TRIM50: variants seen among roughly 807,000 people sequenced by gnomAD.
TRIM50 encodes the protein tripartite motif containing 50.
A neutral mutation model predicts 44.9 loss-of-function variants in TRIM50; 34 were observed. That is an observed-to-expected ratio of 0.76 (90% CI 0.58 to 1.01). TRIM50 has a LOEUF of 1.01. Ranked by LOEUF, TRIM50 falls within the 50% of genes least tolerant of loss-of-function variation. The probability of loss-of-function intolerance (pLI) is 0.00; values close to 1 mark genes in which losing one functional copy is unlikely to be tolerated. For missense variants in TRIM50, 633 were observed against 663.7 expected (o/e 0.95, Z 0.51); for synonymous variants, 307 against 291.1 (o/e 1.05, Z -0.56).
At chr7:73,327,128 T>C (rs1351150827) in intron 1 of TRIM50, among the ~76,000 whole-genome samples, 3 of 151,494 alleles carry the variant, frequency 2.0e-5, no homozygotes, top group Non-Finnish European at 4.4e-5. Context: ...CATAATATAC[T>C]GCTGTGGTTT....
intron 6 of TRIM50, among the ~76,000 whole-genome samples, chr7:73,315,600 CCA>C (rs1202872406): frequency 6.6e-6 from 1 of 152,200 alleles, no homozygotes; most frequent in Non-Finnish European, 1.5e-5. Context: ...AGCAGTCCTC[CCA>C]CCTTGGCCTC....
At chr7:73,317,349 A>C (rs1804386996) in intron 5 of TRIM50, among the ~76,000 whole-genome samples, 1 of 139,666 alleles carries the variant, frequency 7.2e-6, no homozygotes, top group African/African-American at 2.7e-5. Context: ...CCACCATGCC[A>C]AGACTTTTTT....
Position 73,324,590 on chromosome 7 carries a change from C to T in TRIM50, c.198G>A (p.Leu66=). The change falls in exon 2 of 7, where the codon CTG becomes CTA. Residue 66 remains leucine, a synonymous_variant. Transcript: ENST00000333149. ...CRQAVDGSSS[L]PNVSLARVIE... is the part of the protein sequence containing the mutation. ...TCACCCTGGCCAGGGAGACGTTGGG[C>T]AGGGAGCTGCTGCCGTCCACCGCCT... The T allele has an allele frequency of 6.2e-7, 1 of 1,614,110 alleles. No individual in the cohort carries two copies. The highest frequency in any genetic ancestry group is 8.5e-7 in the Non-Finnish European group (1 of 1,180,012).
intron 2 of TRIM50, among the ~76,000 whole-genome samples, chr7:73,323,511 C>A (rs1421675645): frequency 6.6e-6 from 1 of 152,166 alleles, no homozygotes; most frequent in Non-Finnish European, 1.5e-5. Context: ...CACCCAGTCA[C>A]GTGTTTTATA....
rs1293198154 is a variant in TRIM50 at position 73,318,880 on chromosome 7, G to A, written c.668C>T (p.Ala223Val). Residue 223 changes from alanine (A) to valine (V), a missense_variant, in exon 4 of 7, where the codon GCC (alanine) becomes GTC (valine). Physicochemically the swap from Ala to Val is moderately conservative, Grantham distance 64 (BLOSUM62 0). Coordinates refer to ENST00000333149, the MANE Select transcript of TRIM50 (RefSeq NM_178125.3). ...EQAQGTRERL[A>V]QAECVLEQFG... ...CTGTTCCAGCACACACTCGGCTTGGGCCAGCCGCTCCCGGGTTCCCTGGGC... is the reference window on the plus strand; with the variant it reads ...CTGTTCCAGCACACACTCGGCTTGGACCAGCCGCTCCCGGGTTCCCTGGGC... 3.7e-6 allele frequency: 6 copies of A among 1,613,888 alleles called. No homozygotes were observed. In the Admixed American group the frequency reaches 5.0e-5, roughly 13 times the overall value.
intron 1 of TRIM50, 87 bp downstream of exon 1, chr7:73,327,813 T>C: frequency 3.6e-6 from 1 of 278,674 alleles, no homozygotes; most frequent in Non-Finnish European, 6.9e-6. Flanking sequence ...GCGCTCCCAC[T>C]GTGCGCCCCA....
At chr7:73,320,015 G>A (rs572749462) in intron 3 of TRIM50, 132 bp downstream of exon 3, 30 of 1,488,988 alleles carry the variant, frequency 2.0e-5, no homozygotes, top group Middle Eastern at 1.7e-4. Context: ...TCCCCACCCC[G>A]CCCTGGGAAT....
intron 2 of TRIM50, among the ~76,000 whole-genome samples, chr7:73,322,132 G>A (rs1455084084): frequency 3.3e-5 from 5 of 152,116 alleles, no homozygotes; most frequent in Non-Finnish European, 7.4e-5. Flanking sequence ...GGTGGATCAC[G>A]AGGTCAGGAG....
At position 73,320,253 on chromosome 7, in the gene TRIM50, C is replaced by G. The variant is rs370517225; in HGVS notation, c.400-11G>C. On this transcript the variant is annotated splice_polypyrimidine_tract_variant and intron_variant, in intron 2 of 6. Coordinates refer to ENST00000333149, the MANE Select transcript of TRIM50 (RefSeq NM_178125.3). ...GGCTGCGAGCTCCTCCTGGAGGCAACAGGCCATGGCCCCATGAGCAGCTGA... is the reference window on the plus strand; with the variant it reads ...GGCTGCGAGCTCCTCCTGGAGGCAAGAGGCCATGGCCCCATGAGCAGCTGA... 1 of 1,614,038 alleles carries G rather than the reference C, an allele frequency of 6.2e-7. No individual in the cohort carries two copies. Among genetic ancestry groups the G allele is most frequent in the Non-Finnish European group, 8.5e-7 (1 of 1,179,880 alleles).
rs1554543523 is a variant in TRIM50 at position 73,313,388 on chromosome 7, C to T, written c.997G>A (p.Asp333Asn). 3 of 1,589,054 alleles carry T rather than the reference C, an allele frequency of 1.9e-6. No homozygotes were observed. The highest frequency in any genetic ancestry group is 2.6e-6 in the Non-Finnish European group (3 of 1,170,102). Residue 333 changes from aspartate (D) to asparagine (N), a missense_variant, in exon 7 of 7, where the codon GAC (aspartate) becomes AAC (asparagine). Asp to Asn is a conservative substitution (Grantham distance 23). Transcript: ENST00000333149. The surrounding 1 kb of genome is among the most constrained non-coding windows in gnomAD (Gnocchi z 4.9). ...QRRASQPERFDYSTCVLASRG... is the reference protein window; with the variant it reads ...QRRASQPERFNYSTCVLASRG... ...CTGGCCAGGACGCAGGTGCTGTAGT[C>T]GAAGCGCTCAGGCTGGCTGGCTCGC...
At chr7:73,318,628 C>A in intron 5 of TRIM50, 59 bp downstream of exon 5, 3 of 1,612,056 alleles carry the variant, frequency 1.9e-6, no homozygotes, top group Non-Finnish European at 2.5e-6. Flanking sequence ...ACCAGTGGAG[C>A]TGAGATGCCC....
Position 73,319,067 on chromosome 7 carries a change from G to A in TRIM50, c.496-15C>T, listed in dbSNP as rs1563301487. On this transcript the variant is annotated splice_polypyrimidine_tract_variant and intron_variant, in intron 3 of 6. Transcript: ENST00000333149. ...TCCGACTCATTCTGGGACAGGGAGG[G>A]CTGGTCACTGCAGAGTCACAGCCGA... is the stretch of plus-strand genomic sequence containing the variant. 1 of 1,613,970 alleles carries A rather than the reference G, an allele frequency of 6.2e-7. No individual in the cohort carries two copies. Among genetic ancestry groups the A allele is most frequent in the African/African-American group, 1.3e-5 (1 of 75,052 alleles).
rs2463285 is a variant in TRIM50, at chr7:73,320,088, T to C, written c.495+59A>G. 2,279 of 1,613,148 alleles carry C rather than the reference T, an allele frequency of 1.4e-3. 23 individuals carry two copies. In the African/African-American group the frequency reaches 0.019, roughly 14 times the overall value. ...CTGTAAAGGACCAATGAGAACTGAG[T>C]TCTACAGGAAAGTGAAGGTGGCCGG... On this transcript the variant is annotated intron_variant, in intron 3 of 6. Transcript: ENST00000333149.
At chr7:73,322,319 A>G (rs1468619335) in intron 2 of TRIM50, among the ~76,000 whole-genome samples, 1 of 152,208 alleles carries the variant, frequency 6.6e-6, no homozygotes, top group East Asian at 1.9e-4. Context: ...ACTGCGCTCC[A>G]GCCTGGGCGA....
At chr7:73,325,441 C>G (rs1464155604) in intron 1 of TRIM50, 5 of 149,046 alleles carry the variant, frequency 3.4e-5, no homozygotes. Context: ...CAGCAGCCCC[C>G]GGGGGAGCCC....
chr7:73,315,411 T>C (rs1554543891), intron 6 of TRIM50, among the ~76,000 whole-genome samples: 2 of 151,314 alleles, frequency 1.3e-5, no homozygotes, highest in African/African-American at 4.9e-5. Flanking sequence ...CAGGCTGGAG[T>C]GCAGTGGTGC....
intron 6 of TRIM50, chr7:73,314,538 C>A (rs1301930656): frequency 8.1e-5 from 28 of 345,648 alleles, no homozygotes; most frequent in Non-Finnish European, 4.5e-5. Flanking sequence ...ACCGTCACCA[C>A]CTTGATGGAG....
chr7:73,316,464 A>G, intron 6 of TRIM50, 101 bp downstream of exon 6: 2 of 1,500,704 alleles, frequency 1.3e-6, no homozygotes, highest in Non-Finnish European at 1.8e-6. Flanking sequence ...ACAAACCTCC[A>G]TCTGAGTTCT....
At chr7:73,318,158 G>A (rs1252575393) in intron 5 of TRIM50, among the ~76,000 whole-genome samples, 29 of 152,182 alleles carry the variant, frequency 1.9e-4, no homozygotes, top group East Asian at 5.8e-4. Context: ...ACAGGGTCTC[G>A]CTCCGTCACC....
Sources: allele counts gnomAD v4.1 joint callset (sites outside exome capture counted in the v4.1 genomes callset), GRCh38; gene constraint gnomAD v4.1.1; non-coding constraint Gnocchi (gnomAD v3.1); transcripts MANE v1.5; gene names NCBI Gene and HGNC (gene_info 2026-07-23, HGNC 2026-07-21).